The following SPPL3 variants were observed in gnomAD, a reference collection of about 807,000 sequenced individuals.
SPPL3 encodes the protein signal peptide peptidase like 3.
A neutral mutation model predicts 42.4 loss-of-function variants in SPPL3; 5 were observed. The ratio of observed to expected loss-of-function variants is 0.12; its 90% confidence interval spans 0.06 to 0.25. The LOEUF is 0.25. Ranked by LOEUF, SPPL3 falls within the 10% of genes least tolerant of loss-of-function variation. SPPL3 has a pLI of 1.00. For missense variants in SPPL3, 235 were observed against 489.0 expected, an observed-to-expected ratio of 0.48 and a Z score of 4.90; for synonymous variants, 195 against 181.8, an observed-to-expected ratio of 1.07 and a Z score of -0.58.
At chr12:120,792,241 A>C (rs1869942479) in intron 2 of SPPL3, among the ~76,000 whole-genome samples, 1 of 152,246 alleles carries the variant, frequency 6.6e-6, no homozygotes, top group Non-Finnish European at 1.5e-5. Flanking sequence ...CAAGACCTGA[A>C]GGAAGTAGTC....
At chr12:120,806,499 CT>C (rs975059683) in intron 2 of SPPL3, among the ~76,000 whole-genome samples, 2 of 151,750 alleles carry the variant, frequency 1.3e-5, no homozygotes, top group African/African-American at 4.8e-5. Flanking sequence ...TAAAAATTAA[CT>C]CAAAATGAAT....
At chr12:120,816,166 G>C (rs1482377389) in intron 1 of SPPL3, among the ~76,000 whole-genome samples, 1 of 152,190 alleles carries the variant, frequency 6.6e-6, no homozygotes, top group Non-Finnish European at 1.5e-5. Flanking sequence ...CAAAATATAA[G>C]AGTGTGACTA....
intron 1 of SPPL3, among the ~76,000 whole-genome samples, chr12:120,823,263 G>A (rs1871127949): frequency 6.6e-6 from 1 of 151,870 alleles, no homozygotes; most frequent in South Asian, 2.1e-4. Flanking sequence ...GAGAACAAAA[G>A]GAAGAAAGGC....
At position 120,783,688 on chromosome 12, in the gene SPPL3, G is replaced by A. The variant is rs1869617923; in HGVS notation, c.375C>T (p.Cys125=). The change falls in exon 5 of 11, where the codon TGC becomes TGT. Residue 125 remains cysteine, a synonymous_variant. Transcript: ENST00000353487. The stretch of plus-strand genomic sequence containing the variant: ...CAAGTCCTTACTTGTTCTGAGGTGA[G>A]CAGGGTCTTGTTAAATACTGGCACA... ...LPMCQYLTRP[C]SPQNKISFGC... The A allele has an allele frequency of 6.2e-7, 1 of 1,613,330 alleles. No homozygotes were observed. The highest frequency in any genetic ancestry group is 1.3e-5 in the African/African-American group (1 of 75,030).
At chr12:120,873,439 A>G (rs145967292) in intron 1 of SPPL3, among the ~76,000 whole-genome samples, 20 of 152,322 alleles carry the variant, frequency 1.3e-4, no homozygotes, top group Non-Finnish European at 2.5e-4. Context: ...TCACAGATCT[A>G]AGAAACTCAA....
intron 1 of SPPL3, among the ~76,000 whole-genome samples, chr12:120,889,984 G>T (rs1221436701): frequency 6.6e-6 from 1 of 151,658 alleles, no homozygotes; most frequent in Non-Finnish European, 1.5e-5. Flanking sequence ...GGTGGCTCAC[G>T]CCTGTAATCC....
intron 1 of SPPL3, among the ~76,000 whole-genome samples, chr12:120,889,864 C>T (rs1192140924): frequency 6.6e-6 from 1 of 152,128 alleles, no homozygotes; most frequent in South Asian, 2.1e-4. Flanking sequence ...CAACCATAAA[C>T]GATGTTTAAT....
intron 1 of SPPL3, among the ~76,000 whole-genome samples, chr12:120,873,366 A>C (rs1872986227): frequency 6.6e-6 from 1 of 152,210 alleles, no homozygotes; most frequent in Non-Finnish European, 1.5e-5. Context: ...CAAAAGGGAA[A>C]GCAGAAAAAA....
rs1169525936 is a variant in SPPL3 at position 120,864,669 on chromosome 12, TTA to T, written c.23+39174_23+39175del. On this transcript the variant is annotated intron_variant, in intron 1 of 10. Coordinates refer to ENST00000353487, the MANE Select transcript of SPPL3 (RefSeq NM_139015.5). ...AAGCTGAATAACCATAGTTTATTAG[TTA>T]TTCTTAAAAGTAAAAATGTCCATGA... Among the ~76,000 whole-genome samples the T allele has an allele frequency of 3.3e-5, 5 of 152,354 alleles. No individual in the cohort carries two copies. The East Asian group carries it at 9.6e-4, about 29-fold the overall frequency.
chr12:120,788,283 T>C (rs1271066984), intron 3 of SPPL3, among the ~76,000 whole-genome samples: 2 of 152,224 alleles, frequency 1.3e-5, no homozygotes, highest in African/African-American at 2.4e-5. Flanking sequence ...TTGAGTGCCA[T>C]AGTTCCTGGC....
chr12:120,791,037 C>A (rs903291058), intron 3 of SPPL3, among the ~76,000 whole-genome samples: 7 of 152,094 alleles, frequency 4.6e-5, no homozygotes, highest in African/African-American at 1.7e-4. Context: ...TCAAGCTGAT[C>A]TTGAACTCCC....
In SPPL3 at chr12:120,762,549, C is replaced by G. The variant is rs1195533570; in HGVS notation, c.*2450G>C. ...CTGGAATTTAATTTTCTTATGAAAA[C>G]AAAGACAGAAAAATTAAAATGACCC... On this transcript the variant is annotated 3_prime_UTR_variant, in exon 11 of 11. Transcript: ENST00000353487. The G allele has an allele frequency of 6.6e-6, 1 of 150,494 alleles. No individual in the cohort carries two copies. The highest frequency in any genetic ancestry group is 2.4e-5 in the African/African-American group (1 of 40,884). The allele number at this position is 150,494 out of a possible 1,614,324, so 9.3% of individuals were successfully genotyped here.
At position 120,810,790 on chromosome 12, in the gene SPPL3, C is replaced by T. The variant is rs1472885489; in HGVS notation, c.101+19G>A. On this transcript the variant is annotated intron_variant, in intron 2 of 10. Transcript: ENST00000353487. ...CTTCCACCTCCAACTTGTATCAACCCCATTTGAGAATATCTTACCTGAAAC... is the reference window on the plus strand; with the variant it reads ...CTTCCACCTCCAACTTGTATCAACCTCATTTGAGAATATCTTACCTGAAAC... The T allele has an allele frequency of 5.1e-6, 8 of 1,581,192 alleles. No individual in the cohort carries two copies. The South Asian group carries it at 6.7e-5, about 13-fold the overall frequency.
intron 1 of SPPL3, among the ~76,000 whole-genome samples, chr12:120,865,310 T>C (rs775555764): frequency 6.6e-6 from 1 of 152,256 alleles, no homozygotes; most frequent in South Asian, 2.1e-4. Context: ...TACAATGCAC[T>C]GCACAATCAG....
In SPPL3 at chr12:120,768,310, A is replaced by G; in HGVS notation, c.773+15T>C. 6.2e-7 allele frequency: 1 copy of G among 1,608,410 alleles called. No homozygotes were observed. The highest frequency in any genetic ancestry group is 8.5e-7 in the Non-Finnish European group (1 of 1,176,414). ...CAGGAAGACAGTGTGGTCCTGTCAT[A>G]GCATGAGGTCTTACCTTGGGAAGAC... On this transcript the variant is annotated intron_variant, in intron 8 of 10. Transcript: ENST00000353487.
chr12:120,763,680 C>A lies in SPPL3; in HGVS notation c.*1319G>T. 1 of 153,124 alleles carries A rather than the reference C, an allele frequency of 6.5e-6. No individual in the cohort carries two copies. 9.5% of individuals were successfully genotyped at this position (153,124 alleles called of 1,614,324 possible). On this transcript the variant is annotated 3_prime_UTR_variant, in exon 11 of 11. Coordinates refer to ENST00000353487, the MANE Select transcript of SPPL3 (RefSeq NM_139015.5). ...TCAGGACACAGCAGCTGGTTCTTTC[C>A]CCAGTTACTGGAATTTAGGGCCCAT...
chr12:120,826,058 C>T (rs1239266963), intron 1 of SPPL3, among the ~76,000 whole-genome samples: 1 of 151,942 alleles, frequency 6.6e-6, no homozygotes, highest in East Asian at 1.9e-4. Context: ...CTTTGGGAGG[C>T]TGAGACAGGA....
chr12:120,861,071 A>T (rs1451344981), intron 1 of SPPL3, among the ~76,000 whole-genome samples: 5 of 152,204 alleles, frequency 3.3e-5, no homozygotes, highest in Non-Finnish European at 5.9e-5. Context: ...CGCTATATAA[A>T]TACCTGTTTT....
intron 1 of SPPL3, among the ~76,000 whole-genome samples, chr12:120,820,360 G>T (rs1399905248): frequency 7.7e-6 from 1 of 130,324 alleles, no homozygotes; most frequent in Non-Finnish European, 1.5e-5. Context: ...CTGTCGCCCA[G>T]GCTGGAGTGC....
Sources: gnomAD v4.1 joint callset for allele counts (sites outside exome capture counted in the v4.1 genomes callset) on GRCh38, gnomAD v4.1.1 for gene constraint, MANE v1.5 for transcripts, NCBI Gene and HGNC (gene_info 2026-07-23, HGNC 2026-07-21) for gene names.